DCT: variants seen among roughly 807,000 people sequenced by gnomAD.
DCT encodes L-dopachrome tautomerase.
In DCT, 47 loss-of-function variants were observed where a neutral mutation model predicts 53.0. That is an observed-to-expected ratio of 0.89 (90% CI 0.70 to 1.13). The LOEUF is 1.13. DCT is among the 50% of genes most tolerant of loss of function. The pLI, the probability that DCT is intolerant of heterozygous loss-of-function variation, is 0.00. For missense variants in DCT, 669 were observed against 637.4 expected, an observed-to-expected ratio of 1.05 and a Z score of -0.53; for synonymous variants, 244 against 237.0, an observed-to-expected ratio of 1.03 and a Z score of -0.27.
At chr13:94,524,601 A>G in the DCT span, among the ~76,000 whole-genome samples, 1 of 152,176 alleles carries the variant, frequency 6.6e-6, no homozygotes, top group African/African-American at 2.4e-5. Context: ...GAAAAGAGAG[A>G]TTTTTATTGC....
chr13:94,532,862 T>C, the DCT span, among the ~76,000 whole-genome samples: 3 of 152,196 alleles, frequency 2.0e-5, no homozygotes, highest in Non-Finnish European at 4.4e-5. Context: ...ATGCTAATTT[T>C]TGTGACCTTT....
rs1594312388 is a variant in DCT at position 94,468,846 on chromosome 13, G to A, written c.495C>T (p.Gly165=). ...DYVITTQHWL[G]LLGPNGTQPQ... ...GCTGGGTTCCATTGGGCCCAAGCAG[G>A]CCCAGCCAGTGTTGTGTGGTGATCA... The change falls in exon 2 of 8, where the codon GGC becomes GGT. Residue 165 remains glycine (G), a synonymous_variant. Transcript: ENST00000377028. The A allele has an allele frequency of 6.2e-7, 1 of 1,614,066 alleles. No homozygotes were observed. Among genetic ancestry groups the A allele is most frequent in the Admixed American group, 1.7e-5 (1 of 60,016 alleles).
At chr13:94,470,162 G>A (rs1192075558) in intron 1 of DCT, among the ~76,000 whole-genome samples, 1 of 152,180 alleles carries the variant, frequency 6.6e-6, no homozygotes, top group East Asian at 1.9e-4. Context: ...CTGATTTCTA[G>A]GAATTTAGAA....
the DCT span, among the ~76,000 whole-genome samples, chr13:94,531,044 C>T: frequency 6.6e-6 from 1 of 152,094 alleles, no homozygotes; most frequent in East Asian, 1.9e-4. Context: ...TTCACAATTG[C>T]TACAAAGAGA....
chr13:94,462,258 A>G lies in DCT; in HGVS notation c.864-69T>C. ...CACAGTGGCTCACGTCTGTAATCCCAGCACTTTGGGAGGTTGAGGCAGGTG... is the reference window on the plus strand; with the variant it reads ...CACAGTGGCTCACGTCTGTAATCCCGGCACTTTGGGAGGTTGAGGCAGGTG... On this transcript the variant is annotated intron_variant, in intron 4 of 7. Coordinates refer to ENST00000377028, the MANE Select transcript of DCT (RefSeq NM_001922.5). 3.2e-6 allele frequency: 4 copies of G among 1,269,428 alleles called. No homozygotes were observed. The South Asian group carries it at 4.9e-5, about 15-fold the overall frequency. The allele number at this position is 1,269,428 out of a possible 1,614,324, so 78.6% of individuals were successfully genotyped here. A position where few individuals can be genotyped will look rare whatever the true frequency, so the allele number is the denominator to read the frequency against.
intron 6 of DCT, among the ~76,000 whole-genome samples, chr13:94,458,164 T>C (rs1350457689): frequency 2.0e-5 from 3 of 152,112 alleles, no homozygotes; most frequent in African/African-American, 7.2e-5. Context: ...GTCTGCCCCA[T>C]ATACAGACAT....
chr13:94,541,387 C>G, the DCT span, among the ~76,000 whole-genome samples: 1 of 151,776 alleles, frequency 6.6e-6, no homozygotes, highest in Non-Finnish European at 1.5e-5. Context: ...ACTTGTAATC[C>G]CAGTTACTCG....
At chr13:94,543,148 A>G in the DCT span, among the ~76,000 whole-genome samples, 2 of 152,188 alleles carry the variant, frequency 1.3e-5, no homozygotes, top group Non-Finnish European at 2.9e-5. Flanking sequence ...ACTAGGGCAC[A>G]TGATTATGAT....
chr13:94,489,512 C>T, the DCT span, among the ~76,000 whole-genome samples: 5 of 152,180 alleles, frequency 3.3e-5, no homozygotes, highest in Admixed American at 2.0e-4. Flanking sequence ...AATTGCCTAG[C>T]AGAATCTGGC....
At chr13:94,521,774 A>G in the DCT span, among the ~76,000 whole-genome samples, 1 of 152,378 alleles carries the variant, frequency 6.6e-6, no homozygotes, top group East Asian at 1.9e-4. Flanking sequence ...ACAAACCATA[A>G]GACTCACTCA....
At chr13:94,493,955 C>T in the DCT span, among the ~76,000 whole-genome samples, 1 of 152,208 alleles carries the variant, frequency 6.6e-6, no homozygotes, top group South Asian at 2.1e-4. Flanking sequence ...TGTATGGGAA[C>T]TCTTTCTACT....
chr13:94,475,258 T>G (rs1162389233), intron 1 of DCT, among the ~76,000 whole-genome samples: 1 of 152,176 alleles, frequency 6.6e-6, no homozygotes, highest in East Asian at 1.9e-4. Flanking sequence ...CTTAGTCTCG[T>G]GCCCTGAGAT....
At chr13:94,440,151 G>A (rs1008231989) in intron 7 of DCT, 75 bp from the exon 8 acceptor site, 43 of 1,281,744 alleles carry the variant, frequency 3.4e-5, no homozygotes, top group Middle Eastern at 1.9e-4. Flanking sequence ...AAGAGCAAGC[G>A]CACTTGCCTT....
the DCT span, among the ~76,000 whole-genome samples, chr13:94,543,782 C>T: frequency 6.6e-6 from 1 of 152,122 alleles, no homozygotes; most frequent in Non-Finnish European, 1.5e-5. Flanking sequence ...CGCCTGTAAT[C>T]CCAGCACTTT....
intron 3 of DCT, among the ~76,000 whole-genome samples, chr13:94,466,253 T>G (rs1011445076): frequency 6.6e-6 from 1 of 151,604 alleles, no homozygotes; most frequent in Non-Finnish European, 1.5e-5. Context: ...AATGGGAAGA[T>G]GTAGGCTGAA....
At chr13:94,521,392 C>T in the DCT span, among the ~76,000 whole-genome samples, 3 of 152,168 alleles carry the variant, frequency 2.0e-5, no homozygotes, top group South Asian at 2.1e-4. Flanking sequence ...CTTTAGTGGC[C>T]GGGCACGGTG....
At chr13:94,468,046 T>A (rs1014368692) in intron 2 of DCT, 2 of 152,286 alleles carry the variant, frequency 1.3e-5, no homozygotes, top group African/African-American at 4.8e-5. Flanking sequence ...CCCCAATTTT[T>A]AAGACTTGGA....
chr13:94,450,193 T>C (rs1305604928), intron 6 of DCT, among the ~76,000 whole-genome samples: 1 of 152,158 alleles, frequency 6.6e-6, no homozygotes, highest in East Asian at 1.9e-4. Context: ...CTGAATCTGC[T>C]AATGCCTTGA....
At chr13:94,499,601 A>G in the DCT span, among the ~76,000 whole-genome samples, 1 of 152,338 alleles carries the variant, frequency 6.6e-6, no homozygotes, top group East Asian at 1.9e-4. Flanking sequence ...TTTTAAACAT[A>G]CAAAACACCT....
Sources: gnomAD v4.1 joint callset for allele counts (sites outside exome capture counted in the v4.1 genomes callset) on GRCh38, gnomAD v4.1.1 for gene constraint, MANE v1.5 for transcripts, NCBI Gene and HGNC (gene_info 2026-07-23, HGNC 2026-07-21) for gene names.